Variants in PTPN3 observed in about 807,000 individuals in gnomAD.
PTPN3 encodes the protein protein tyrosine phosphatase non-receptor type 3.
A neutral mutation model predicts 132.7 loss-of-function variants in PTPN3; 96 were observed. The ratio of observed to expected loss-of-function variants is 0.72; its 90% confidence interval spans 0.61 to 0.86. PTPN3 has a LOEUF of 0.86. Among genes scored for constraint, PTPN3 ranks in the 40% least tolerant of loss-of-function variants. PTPN3 has a pLI of 0.00. For synonymous variants in PTPN3, 398 were observed against 429.0 expected (o/e 0.93, Z 0.89); for missense variants, 1,125 against 1,159.6 (o/e 0.97, Z 0.43).
the PTPN3 span, among the ~76,000 whole-genome samples, chr9:109,515,435 T>C: frequency 6.6e-6 from 1 of 152,180 alleles, no homozygotes; most frequent in African/African-American, 2.4e-5. Flanking sequence ...CTTATACTTC[T>C]CCATACAAGA....
upstream of PTPN3, among the ~76,000 whole-genome samples, chr9:109,500,430 T>C (rs961690232): frequency 5.9e-5 from 9 of 152,208 alleles, no homozygotes; most frequent in Admixed American, 5.9e-4. Context: ...ATTTTAAAAA[T>C]CATGCGTTTT....
the PTPN3 span, chr9:109,534,376 T>C: frequency 1.4e-6 from 2 of 1,477,714 alleles, no homozygotes; most frequent in Non-Finnish European, 1.8e-6. Flanking sequence ...CAGCTGCGGC[T>C]CCTCCCGGGG....
chr9:109,433,920 A>T (rs866198777), intron 9 of PTPN3, among the ~76,000 whole-genome samples: 4,055 of 132,382 alleles, frequency 0.031, 240 homozygotes, highest in East Asian at 0.17. Context: ...TCTGTTTAAA[A>T]AAAAAAAAAA....
At chr9:109,450,756 A>G in intron 5 of PTPN3, 1 of 985,474 alleles carries the variant, frequency 1.0e-6, no homozygotes, top group Non-Finnish European at 1.2e-6. Flanking sequence ...ATAGTTCTTT[A>G]GAAGAGATGC....
At chr9:109,426,896 A>G in intron 12 of PTPN3, 54 bp downstream of exon 12, 1 of 1,518,398 alleles carries the variant, frequency 6.6e-7, no homozygotes, top group Non-Finnish European at 9.1e-7. Context: ...ACTGATGACC[A>G]GGATGCATTT....
At chr9:109,450,453 T>A in intron 5 of PTPN3, 1 of 982,478 alleles carries the variant, frequency 1.0e-6, no homozygotes, top group Non-Finnish European at 1.2e-6. Flanking sequence ...CTAATCAGTA[T>A]GTCTTCCTAG....
At chr9:109,489,704 C>T (rs1016104719) in intron 1 of PTPN3, among the ~76,000 whole-genome samples, 3 of 152,050 alleles carry the variant, frequency 2.0e-5, no homozygotes, top group African/African-American at 7.2e-5. Flanking sequence ...TGATGAGTCT[C>T]ACCCCTCATC....
At chr9:109,473,095 C>T (rs965177927) in intron 1 of PTPN3, among the ~76,000 whole-genome samples, 1 of 152,082 alleles carries the variant, frequency 6.6e-6, no homozygotes, top group Non-Finnish European at 1.5e-5. Context: ...ATTTAATACT[C>T]GAGTCTTCAG....
At chr9:109,420,843 G>C (rs1170160476) in intron 13 of PTPN3, among the ~76,000 whole-genome samples, 1 of 152,188 alleles carries the variant, frequency 6.6e-6, no homozygotes, top group Non-Finnish European at 1.5e-5. Flanking sequence ...TAAACAGGCA[G>C]AATTAGATGG....
At chr9:109,457,639 C>T (rs1357268948) in intron 2 of PTPN3, among the ~76,000 whole-genome samples, 3 of 152,206 alleles carry the variant, frequency 2.0e-5, no homozygotes, top group African/African-American at 7.2e-5. Context: ...AGATTTCTTC[C>T]TTCCCCCTTA....
At chr9:109,421,111 C>G (rs1326473851) in intron 13 of PTPN3, among the ~76,000 whole-genome samples, 1 of 152,174 alleles carries the variant, frequency 6.6e-6, no homozygotes, top group Non-Finnish European at 1.5e-5. Context: ...AGATATATCC[C>G]TTATTAAACA....
chr9:109,531,206 C>T, the PTPN3 span, among the ~76,000 whole-genome samples: 2 of 152,194 alleles, frequency 1.3e-5, no homozygotes, highest in African/African-American at 4.8e-5. Flanking sequence ...GATCTAACCC[C>T]TAACAGCAGT....
intron 10 of PTPN3, among the ~76,000 whole-genome samples, chr9:109,432,304 C>T (rs556657414): frequency 1.3e-5 from 2 of 152,000 alleles, no homozygotes; most frequent in African/African-American, 2.4e-5. Flanking sequence ...TTCTCTTATC[C>T]CCATTCCCTA....
At chr9:109,463,235 T>C in intron 2 of PTPN3, 62 bp downstream of exon 2, 2 of 1,415,952 alleles carry the variant, frequency 1.4e-6, no homozygotes, top group African/African-American at 1.5e-5. Flanking sequence ...AGCCAAGAGA[T>C]GAAAACTATT....
chr9:109,434,841 G>T (rs935920816), intron 9 of PTPN3, among the ~76,000 whole-genome samples: 1 of 152,206 alleles, frequency 6.6e-6, no homozygotes, highest in Non-Finnish European at 1.5e-5. Context: ...AGTTTGGCAC[G>T]TGGAAGACAT....
intron 5 of PTPN3, among the ~76,000 whole-genome samples, chr9:109,452,334 T>C (rs1477379376): frequency 6.6e-6 from 1 of 151,122 alleles, no homozygotes; most frequent in Non-Finnish European, 1.5e-5. Flanking sequence ...GTACTTACTA[T>C]AGTTTTATAA....
At chr9:109,423,362 T>G (rs184311998) in intron 12 of PTPN3, among the ~76,000 whole-genome samples, 17 of 152,334 alleles carry the variant, frequency 1.1e-4, no homozygotes, top group African/African-American at 4.1e-4. Context: ...CCCAGCATTT[T>G]GGGAGGCTGA....
At chr9:109,425,928 C>T (rs1261754196) in intron 12 of PTPN3, among the ~76,000 whole-genome samples, 1 of 148,570 alleles carries the variant, frequency 6.7e-6, no homozygotes, top group Non-Finnish European at 1.5e-5. Context: ...GCAAGAGAAT[C>T]GATTGAACCT....
intron 2 of PTPN3, among the ~76,000 whole-genome samples, chr9:109,459,245 C>G: frequency 6.6e-6 from 1 of 152,268 alleles, no homozygotes; most frequent in Non-Finnish European, 1.5e-5. Context: ...CAGGTCACCA[C>G]CAGGGCTCGC....
Sources: gnomAD v4.1 joint callset for allele counts (sites outside exome capture counted in the v4.1 genomes callset) on GRCh38, gnomAD v4.1.1 for gene constraint, MANE v1.5 for transcripts, NCBI Gene and HGNC (gene_info 2026-07-23, HGNC 2026-07-21) for gene names.